ECHS1: variants seen among roughly 807,000 people sequenced by gnomAD.
ECHS1 encodes enoyl-CoA hydratase, short chain 1.
A neutral mutation model predicts 33.5 loss-of-function variants in ECHS1; 19 were observed. That is an observed-to-expected ratio of 0.57 (90% CI 0.40 to 0.83). ECHS1 has a LOEUF of 0.83. Ranked by LOEUF, ECHS1 falls within the 40% of genes least tolerant of loss-of-function variation. The pLI is 0.00. For synonymous variants in ECHS1, 158 were observed against 146.6 expected (o/e 1.08, Z -0.56); for missense variants, 365 against 381.3 (o/e 0.96, Z 0.36).
At chr10:133,363,051 G>A in intron 7 of ECHS1, 118 bp from the exon 8 acceptor site, 1 of 1,197,176 alleles carries the variant, frequency 8.4e-7, no homozygotes, top group Non-Finnish European at 1.2e-6. Context: ...GGGCCCAGGG[G>A]GCCGGGGAGG....
At chr10:133,372,683 G>T in intron 1 of ECHS1, among the ~76,000 whole-genome samples, 1 of 150,818 alleles carries the variant, frequency 6.6e-6, no homozygotes, top group Non-Finnish European at 1.5e-5. Flanking sequence ...CCAGGCAGGG[G>T]GTGGGGGTGC....
chr10:133,368,872 T>G, intron 4 of ECHS1, 51 bp downstream of exon 4: 2 of 1,551,924 alleles, frequency 1.3e-6, no homozygotes, highest in Non-Finnish European at 1.8e-6. Flanking sequence ...CACAGGCAGA[T>G]TTTGAGTAAT....
rs1341108219 is a variant in ECHS1, at chr10:133,373,301, G to A, written c.33C>T (p.Val11=). The change falls in exon 1 of 8, where the codon GTC becomes GTT. Residue 11 remains valine, a synonymous_variant. Coordinates refer to ENST00000368547, the MANE Select transcript of ECHS1 (RefSeq NM_004092.4). ...GAACCGGGGGCCTCAGCGGGCCGCG[G>A]ACGCAGGACAGCAGGACACGCAGGG... MAALRVLLSC[V]RGPLRPPVRC... The A allele has an allele frequency of 1.3e-6, 2 of 1,491,540 alleles. No homozygotes were observed. The highest frequency in any genetic ancestry group is 2.5e-5 in the South Asian group (2 of 79,584). The allele number at this position is 1,491,540 out of a possible 1,614,324, so 92.4% of individuals were successfully genotyped here. A position where few individuals can be genotyped will look rare whatever the true frequency, so the allele number is the denominator to read the frequency against.
At position 133,364,717 on chromosome 10, in the gene ECHS1, T is replaced by C. The variant is rs1849007059; in HGVS notation, c.748A>G (p.Met250Val). ...AKESVNAAFEMTLTEGSKLEK... is the reference protein window; with the variant it reads ...AKESVNAAFEVTLTEGSKLEK... Reference sequence around the variant, plus strand: ...AACTTACTTCCTTCTGTTAATGTCATTTCAAAAGCTGAAAAACAAAGTCCC... The same window carrying C: ...AACTTACTTCCTTCTGTTAATGTCACTTCAAAAGCTGAAAAACAAAGTCCC... The change falls in exon 7 of 8, where the codon ATG (methionine) becomes GTG (valine). Residue 250 changes from methionine (M) to valine (V), a missense_variant. By Grantham distance (21) the Met-to-Val change is conservative. Transcript: ENST00000368547. 6.2e-7 allele frequency: 1 copy of C among 1,613,596 alleles called. No individual in the cohort carries two copies.
chr10:133,373,025 G>C (rs1246076484), intron 1 of ECHS1, among the ~76,000 whole-genome samples: 1 of 55,762 alleles, frequency 1.8e-5, no homozygotes, highest in African/African-American at 8.4e-5. Context: ...GGGGTCAGGT[G>C]GGGGGGTGCG....
At chr10:133,363,005 CGT>C in intron 7 of ECHS1, 72 bp from the exon 8 acceptor site, 1 of 1,559,022 alleles carries the variant, frequency 6.4e-7, no homozygotes, top group Middle Eastern at 1.7e-4. Flanking sequence ...AATGTCCGCC[CGT>C]CTCTCCCTGG....
intron 7 of ECHS1, among the ~76,000 whole-genome samples, chr10:133,363,438 G>C (rs947328767): frequency 6.6e-6 from 1 of 151,848 alleles, no homozygotes; most frequent in Non-Finnish European, 1.5e-5. Context: ...TTATTTTATA[G>C]AACAATTAAA....
In ECHS1 at chr10:133,366,029, A is replaced by AT. The variant is rs1849023047; in HGVS notation, c.685dup (p.Ile229AsnfsTer6). 2 of 1,613,974 alleles carry AT rather than the reference A, an allele frequency of 1.2e-6. No individual in the cohort carries two copies. Among genetic ancestry groups the AT allele is most frequent in the Non-Finnish European group, 1.7e-6 (2 of 1,180,020 alleles). ...TACTACAATTTTAGAATTGCTGGCA[A>AT]TTTTTTCTGCACACTGGATGGCTTC... On this transcript the variant is annotated frameshift_variant, in exon 6 of 8. Coordinates refer to ENST00000368547, the MANE Select transcript of ECHS1 (RefSeq NM_004092.4). LOFTEE classifies it high-confidence loss of function.
chr10:133,372,855 G>A (rs939976034), intron 1 of ECHS1, among the ~76,000 whole-genome samples: 18 of 138,454 alleles, frequency 1.3e-4, no homozygotes, highest in African/African-American at 4.5e-4. Flanking sequence ...GGGGTCAGGT[G>A]GTAGGTGCGG....
At chr10:133,367,965 CTGTA>C (rs1416102424) in intron 4 of ECHS1, among the ~76,000 whole-genome samples, 3 of 152,184 alleles carry the variant, frequency 2.0e-5, no homozygotes, top group Non-Finnish European at 4.4e-5. Context: ...CCCCCTCGTC[CTGTA>C]TGCAATAAAT....
In ECHS1 at chr10:133,362,946, G is replaced by A; in HGVS notation, c.808-13C>T. ...CTTTCCGGTCATCCTGGCAGGAAAA[G>A]GAACAGAAACAGAGCTGGACGCGCA... On this transcript the variant is annotated splice_polypyrimidine_tract_variant and intron_variant, in intron 7 of 7. Transcript: ENST00000368547. 6.2e-7 allele frequency: 1 copy of A among 1,614,036 alleles called. No individual in the cohort carries two copies. The highest frequency in any genetic ancestry group is 8.5e-7 in the Non-Finnish European group (1 of 1,179,992).
intron 6 of ECHS1, 130 bp downstream of exon 6, chr10:133,365,846 G>A (rs1314113860): frequency 1.7e-6 from 2 of 1,146,178 alleles, no homozygotes; most frequent in East Asian, 2.4e-5. Flanking sequence ...CAGCAGAACT[G>A]AGACACTGAG....
chr10:133,363,346 TGCGCGCGC>T (rs746557515), intron 7 of ECHS1, among the ~76,000 whole-genome samples: 3 of 124,138 alleles, frequency 2.4e-5, no homozygotes, highest in Non-Finnish European at 3.6e-5. Flanking sequence ...TCCCCAGGTG[TGCGCGCGC>T]GCACACACAC....
Position 133,366,870 on chromosome 10 carries a change from G to A in ECHS1, c.619+19C>T, listed in dbSNP as rs760524086. The stretch of plus-strand genomic sequence containing the variant: ...CCCCGGGTTTCCAGGTGGCTCTTGC[G>A]GGCAGCCCCAACCCATACCTGCTTG... On this transcript the variant is annotated intron_variant, in intron 5 of 7. Coordinates refer to ENST00000368547, the MANE Select transcript of ECHS1 (RefSeq NM_004092.4). The A allele has an allele frequency of 8.8e-6, 14 of 1,595,982 alleles. No individual in the cohort carries two copies. The East Asian group carries it at 1.3e-4, about 15-fold the overall frequency.
chr10:133,363,053 C>G (rs1848984796), intron 7 of ECHS1, 120 bp from the exon 8 acceptor site: 7 of 1,190,008 alleles, frequency 5.9e-6, no homozygotes, highest in East Asian at 2.4e-5. Context: ...GCCCAGGGGG[C>G]CGGGGAGGGG....
chr10:133,370,029 C>T lies in ECHS1; in HGVS notation c.289G>A (p.Gly97Arg). 6.2e-7 allele frequency: 1 copy of T among 1,613,746 alleles called. No individual in the cohort carries two copies. Among genetic ancestry groups the T allele is most frequent in the Non-Finnish European group, 8.5e-7 (1 of 1,179,930 alleles). The change falls in exon 3 of 8, where the codon GGA becomes AGA. Residue 97 changes from glycine to arginine, a missense_variant and splice_region_variant. Gly to Arg is a moderately radical substitution (Grantham distance 125, BLOSUM62 -2). Coordinates refer to ENST00000368547, the MANE Select transcript of ECHS1 (RefSeq NM_004092.4). ...TTCTGCATTTCCTTGATATCAGCTC[C>T]AGCTAGCAGGAGTGGAAAGGAGGTT... ...LTGGDKAFAA[G>R]ADIKEMQNLS...
intron 7 of ECHS1, among the ~76,000 whole-genome samples, chr10:133,364,328 G>A (rs1177918969): frequency 6.6e-6 from 1 of 152,102 alleles, no homozygotes; most frequent in Non-Finnish European, 1.5e-5. Flanking sequence ...CAGCCTCCCA[G>A]GAAGCTGGGG....
At chr10:133,368,411 C>A (rs764204454) in intron 4 of ECHS1, among the ~76,000 whole-genome samples, 1 of 152,172 alleles carries the variant, frequency 6.6e-6, no homozygotes, top group Non-Finnish European at 1.5e-5. Flanking sequence ...GTCTCAGCTC[C>A]CTCCTGGCTG....
intron 1 of ECHS1, among the ~76,000 whole-genome samples, 163 bp downstream of exon 1, chr10:133,373,081 AGG>A (rs1298493746): frequency 2.3e-4 from 9 of 38,912 alleles, no homozygotes; most frequent in African/African-American, 8.9e-4. Context: ...GGGTGCGGGT[AGG>A]GGTCAGGTGA....
Sources: allele counts gnomAD v4.1 joint callset (sites outside exome capture counted in the v4.1 genomes callset), GRCh38; gene constraint gnomAD v4.1.1; transcripts MANE v1.5; gene names NCBI Gene and HGNC (gene_info 2026-07-23, HGNC 2026-07-21).